DSCAM: variants seen among roughly 807,000 people sequenced by gnomAD.
The protein encoded by DSCAM is DS cell adhesion molecule.
DSCAM carries 47 observed loss-of-function variants against 217.7 expected under a neutral mutation model. That is an observed-to-expected ratio of 0.22 (90% CI 0.17 to 0.28). DSCAM has a LOEUF of 0.28. Among genes scored for constraint, DSCAM ranks in the 10% least tolerant of loss-of-function variants. The pLI is 1.00. For missense variants in DSCAM, 2,080 were observed against 2,618.3 expected (o/e 0.79, Z 4.49); for synonymous variants, 1,056 against 1,015.3 (o/e 1.04, Z -0.76).
In DSCAM at chr21:40,087,628, C is replaced by A. The variant is rs407583; in HGVS notation, c.3851-341G>T. On this transcript the variant is annotated intron_variant, in intron 21 of 32. Coordinates refer to ENST00000400454, the MANE Select transcript of DSCAM (RefSeq NM_001389.5). ...CACTTTAGGAAGCAATTTACCTCAA[C>A]ACAAAAACTGCTCATTAAAATATAC... Among the ~76,000 whole-genome samples, 643 of 152,310 alleles carry A rather than the reference C, an allele frequency of 4.2e-3. 4 individuals carry two copies. The highest frequency in any genetic ancestry group is 0.019 in the South Asian group (91 of 4,824).
intron 4 of DSCAM, among the ~76,000 whole-genome samples, chr21:40,358,802 G>GA (rs199807503): frequency 0.17 from 16,417 of 96,430 alleles, 1,995 homozygotes; most frequent in African/African-American, 0.39. Context: ...ACTCCATCTC[G>GA]AAAAAAAAAA....
chr21:40,610,615 A>G (rs1250513096), intron 3 of DSCAM, among the ~76,000 whole-genome samples: 1 of 152,066 alleles, frequency 6.6e-6, no homozygotes, highest in Non-Finnish European at 1.5e-5. Context: ...ATAAAAATGC[A>G]CTTCCATAGG....
intron 1 of DSCAM, among the ~76,000 whole-genome samples, chr21:40,813,391 A>G (rs1343783235): frequency 6.6e-6 from 1 of 152,092 alleles, no homozygotes; most frequent in Non-Finnish European, 1.5e-5. Flanking sequence ...TTGAGGTCTG[A>G]CATTAGATTG....
At chr21:40,714,241 T>C (rs1211454263) in intron 1 of DSCAM, among the ~76,000 whole-genome samples, 1 of 151,860 alleles carries the variant, frequency 6.6e-6, no homozygotes, top group East Asian at 1.9e-4. Context: ...TCCACTAGAG[T>C]AATGCCTAGT....
At chr21:40,402,044 TA>T (rs1274218976) in intron 3 of DSCAM, among the ~76,000 whole-genome samples, 9 of 145,454 alleles carry the variant, frequency 6.2e-5, no homozygotes, top group African/African-American at 1.8e-4. Flanking sequence ...TTATTATTCT[TA>T]TTCCTTTTTT....
intron 3 of DSCAM, among the ~76,000 whole-genome samples, chr21:40,476,276 G>C (rs2075934892): frequency 6.6e-6 from 1 of 152,196 alleles, no homozygotes; most frequent in Non-Finnish European, 1.5e-5. Flanking sequence ...AGTCAACTCT[G>C]AGTTTGAGCT....
chr21:40,148,272 G>A (rs1172206434), intron 16 of DSCAM, among the ~76,000 whole-genome samples: 1 of 151,976 alleles, frequency 6.6e-6, no homozygotes. Flanking sequence ...AGTGAGATGT[G>A]TTTCTTATAA....
intron 1 of DSCAM, among the ~76,000 whole-genome samples, chr21:40,829,057 G>A (rs964511973): frequency 1.3e-5 from 2 of 152,204 alleles, no homozygotes; most frequent in African/African-American, 4.8e-5. Flanking sequence ...ATACTTGAAT[G>A]CAACACTGCT....
intron 3 of DSCAM, among the ~76,000 whole-genome samples, chr21:40,538,240 G>A (rs1401025306): frequency 6.6e-6 from 1 of 152,064 alleles, no homozygotes; most frequent in Non-Finnish European, 1.5e-5. Flanking sequence ...TGGGGTGTTA[G>A]TGCTCCTTCA....
intron 28 of DSCAM, 146 bp from the exon 29 acceptor site, chr21:40,055,986 ACGTTT>A: frequency 1.9e-6 from 1 of 518,366 alleles, no homozygotes; most frequent in African/African-American, 1.9e-5. Context: ...TACTATGAAA[ACGTTT>A]CCTTCATTCA....
At chr21:40,090,472 GGTCACCACGATCTTCCGT>G (rs1398962671) in intron 21 of DSCAM, among the ~76,000 whole-genome samples, 1 of 152,090 alleles carries the variant, frequency 6.6e-6, no homozygotes, top group Non-Finnish European at 1.5e-5. Context: ...CTCACAGGAA[GGTCACCACGATCTTCCGT>G]GTGGCCACTG....
rs140207455 is a variant in DSCAM, at chr21:40,295,327, G to A, written c.2182+728C>T. ...TGTTTGCAAGTACCGTTAAGGAGGC[G>A]TTCTGAAGAAGCCACCCTAATGAAC... On this transcript the variant is annotated intron_variant, in intron 10 of 32. Transcript: ENST00000400454. Among the ~76,000 whole-genome samples the A allele has an allele frequency of 1.3e-4, 20 of 152,264 alleles. No homozygotes were observed. The East Asian group carries it at 1.9e-3, about 15-fold the overall frequency.
chr21:40,717,415 A>G lies in DSCAM; in HGVS notation c.44-8644T>C, dbSNP rs114257540. Among the ~76,000 whole-genome samples the G allele has an allele frequency of 7.1e-3, 1,075 of 152,374 alleles. 9 individuals are homozygous for G. Among genetic ancestry groups the G allele is most frequent in the African/African-American group, 0.024 (1,014 of 41,590 alleles). ...AAAGCAGCATTATGTATAATGGCCA[A>G]TGGTGGAAACAGCCTACATGTCTAT... On this transcript the variant is annotated intron_variant, in intron 1 of 32. Coordinates refer to ENST00000400454, the MANE Select transcript of DSCAM (RefSeq NM_001389.5).
intron 3 of DSCAM, among the ~76,000 whole-genome samples, chr21:40,435,456 C>A (rs2075574387): frequency 1.3e-5 from 2 of 151,612 alleles, no homozygotes. Flanking sequence ...CACAAGTTTA[C>A]CTTTATAACA....
chr21:40,605,092 G>A (rs2089214825), intron 3 of DSCAM, among the ~76,000 whole-genome samples: 1 of 152,198 alleles, frequency 6.6e-6, no homozygotes, highest in Non-Finnish European at 1.5e-5. Flanking sequence ...TGACCTTCAT[G>A]TGAGAATCTG....
chr21:40,078,451 C>T lies in DSCAM; in HGVS notation c.4711+236G>A, dbSNP rs759467314. Among the ~76,000 whole-genome samples, 5 of 152,194 alleles carry T rather than the reference C, an allele frequency of 3.3e-5. No homozygotes were observed. In the South Asian group the frequency reaches 8.3e-4, roughly 25 times the overall value. ...GAGAAATCACTCCTGCCCCATGACTCCCCAGTGAGACTCCCTATGGCCCTG... is the reference window on the plus strand; with the variant it reads ...GAGAAATCACTCCTGCCCCATGACTTCCCAGTGAGACTCCCTATGGCCCTG... On this transcript the variant is annotated intron_variant, in intron 26 of 32. Coordinates refer to ENST00000400454, the MANE Select transcript of DSCAM (RefSeq NM_001389.5).
intron 3 of DSCAM, among the ~76,000 whole-genome samples, chr21:40,577,562 A>G (rs1433729425): frequency 6.6e-6 from 1 of 151,836 alleles, no homozygotes; most frequent in Non-Finnish European, 1.5e-5. Context: ...GTATCCAGGC[A>G]AGTCAGAGAA....
chr21:40,134,108 A>C, intron 18 of DSCAM, 99 bp from the exon 19 acceptor site: 2 of 1,427,794 alleles, frequency 1.4e-6, no homozygotes, highest in South Asian at 1.4e-5. Flanking sequence ...CCATGCCATC[A>C]CCCGTCCAGC....
At chr21:40,272,204 C>T (rs1224003872) in intron 11 of DSCAM, among the ~76,000 whole-genome samples, 1 of 152,084 alleles carries the variant, frequency 6.6e-6, no homozygotes, top group Non-Finnish European at 1.5e-5. Flanking sequence ...GATGTCATCA[C>T]CAGAGGCCAA....
Sources: allele counts gnomAD v4.1 joint callset (sites outside exome capture counted in the v4.1 genomes callset), GRCh38; gene constraint gnomAD v4.1.1; transcripts MANE v1.5; gene names NCBI Gene and HGNC (gene_info 2026-07-23, HGNC 2026-07-21).